Variants in ADGRE1 observed in about 807,000 individuals in gnomAD.
The protein encoded by ADGRE1 is adhesion G protein-coupled receptor E1, also known as EGF-like module receptor 1.
A neutral mutation model predicts 102.7 loss-of-function variants in ADGRE1; 82 were observed. That is an observed-to-expected ratio of 0.80 (90% CI 0.67 to 0.96). ADGRE1 has a LOEUF of 0.96. ADGRE1 is among the 40% of genes least tolerant of loss of function. The probability of loss-of-function intolerance (pLI) is 0.00; values close to 1 mark genes in which losing one functional copy is unlikely to be tolerated. For synonymous variants in ADGRE1, 398 were observed against 399.6 expected, an observed-to-expected ratio of 1.00 and a Z score of 0.05; for missense variants, 1,032 against 1,085.3, an observed-to-expected ratio of 0.95 and a Z score of 0.69.
At chr19:6,916,872 T>G (rs1350761813) in intron 12 of ADGRE1, among the ~76,000 whole-genome samples, 1 of 151,868 alleles carries the variant, frequency 6.6e-6, no homozygotes, top group East Asian at 1.9e-4. Context: ...TGGCTTATAC[T>G]GAGTTAATAT....
At chr19:6,937,190 C>T (rs1975447338) in intron 18 of ADGRE1, 53 bp from the exon 19 acceptor site, 3 of 1,562,586 alleles carry the variant, frequency 1.9e-6, no homozygotes, top group Non-Finnish European at 2.6e-6. Context: ...GTGTGGCCTG[C>T]AAGGACAATA....
In ADGRE1 at chr19:6,906,666, A is replaced by AGT. The variant is rs1889322689; in HGVS notation, c.1038+148_1038+149dup. On this transcript the variant is annotated intron_variant, in intron 9 of 20. Transcript: ENST00000312053. ...TATTTTTCTCCTCTGTAACCTGCTGAGTGTAAGCTGTGCAGAGCTCATACC... is the reference window on the plus strand; with the variant it reads ...TATTTTTCTCCTCTGTAACCTGCTGAGTGTGTAAGCTGTGCAGAGCTCATACC... The AGT allele has an allele frequency of 4.5e-6, 3 of 667,542 alleles. No individual in the cohort carries two copies. In the African/African-American group the frequency reaches 5.4e-5, roughly 12 times the overall value. 41.4% of individuals were successfully genotyped at this position (667,542 alleles called of 1,614,324 possible).
chr19:6,908,693 C>G lies in ADGRE1; in HGVS notation c.1043C>G (p.Ser348Cys). The G allele has an allele frequency of 6.3e-7, 1 of 1,583,508 alleles. No individual in the cohort carries two copies. The highest frequency in any genetic ancestry group is 8.5e-7 in the Non-Finnish European group (1 of 1,170,002). Residue 348 changes from serine (S) to cysteine (C), a missense_variant, in exon 10 of 21, where the codon TCC (serine) becomes TGC (cysteine). By Grantham distance (112) the Ser-to-Cys change is moderately radical. Coordinates refer to ENST00000312053, the MANE Select transcript of ADGRE1 (RefSeq NM_001974.5). ...EGTAVKPAYV[S>C]FCAQINNIFS... Reference sequence around the variant, plus strand: ...TTTTTTTTTTCTGGGACGCAGGTCTCCTTTTGTGCACAAATAAATAACATC... The same window carrying G: ...TTTTTTTTTTCTGGGACGCAGGTCTGCTTTTGTGCACAAATAAATAACATC...
intron 2 of ADGRE1, 81 bp downstream of exon 2, chr19:6,890,624 C>G: frequency 6.8e-7 from 1 of 1,461,916 alleles, no homozygotes. Flanking sequence ...GGAAGCTGAG[C>G]CTCATCCAGA....
rs566059404 is a variant in ADGRE1 at position 6,894,381 on chromosome 19, C to T, written c.95-2017C>T. 1.4e-4 allele frequency among the ~76,000 whole-genome samples: 22 copies of T among 152,138 alleles called. No homozygotes were observed. In the East Asian group the frequency reaches 2.9e-3, roughly 20 times the overall value. On this transcript the variant is annotated intron_variant, in intron 2 of 20. Coordinates refer to ENST00000312053, the MANE Select transcript of ADGRE1 (RefSeq NM_001974.5). ...ACTCACTGAAACAATCAAGCAGTCA[C>T]GGTTTTGATGAATTCCATAAAAGAA...
Position 6,926,387 on chromosome 19 carries a change from G to A in ADGRE1, c.2008G>A (p.Gly670Ser), listed in dbSNP as rs763654826. The change falls in exon 16 of 21, where the codon GGC (glycine) becomes AGC (serine). Residue 670 changes from glycine (G) to serine (S), a missense_variant. Transcript: ENST00000312053. ...CCAGATGGGCTGCGCCATCATCGCG[G>A]GCTTCCTGCACTACCTTTTCCTTGC... ...DNKMGCAIIA[G>S]FLHYLFLACF... is the part of the protein sequence containing the mutation. The A allele has an allele frequency of 1.2e-6, 2 of 1,614,146 alleles. No individual in the cohort carries two copies. Among genetic ancestry groups the A allele is most frequent in the South Asian group, 2.2e-5 (2 of 91,076 alleles).
intron 10 of ADGRE1, among the ~76,000 whole-genome samples, chr19:6,909,450 T>C (rs1974091087): frequency 6.6e-6 from 1 of 152,204 alleles, no homozygotes; most frequent in Admixed American, 6.5e-5. Context: ...AAGAGTGTTA[T>C]ATAAATGAAA....
intron 11 of ADGRE1, among the ~76,000 whole-genome samples, chr19:6,914,374 A>G (rs1974304214): frequency 6.6e-6 from 1 of 152,258 alleles, no homozygotes; most frequent in African/African-American, 2.4e-5. Context: ...GACCCAAAGC[A>G]TTAATGAGAT....
At chr19:6,928,530 G>C in intron 17 of ADGRE1, 1 of 404,834 alleles carries the variant, frequency 2.5e-6, no homozygotes, top group Non-Finnish European at 4.4e-6. Context: ...AGGAGGCTGA[G>C]GCAGGAGAAT....
In ADGRE1 at chr19:6,903,356, A is replaced by C. The variant is rs112845000; in HGVS notation, c.662-454A>C. 3.2e-3 allele frequency among the ~76,000 whole-genome samples: 481 copies of C among 152,316 alleles called. 1 individual carries two copies. Among genetic ancestry groups the C allele is most frequent in the Non-Finnish European group, 5.4e-3 (364 of 68,024 alleles). ...ATTTTGTCCAGTGTCTGAGTCCCTCATCTGGAGTTGAGTCCTGTTTCCTGC... is the reference window on the plus strand; with the variant it reads ...ATTTTGTCCAGTGTCTGAGTCCCTCCTCTGGAGTTGAGTCCTGTTTCCTGC... On this transcript the variant is annotated intron_variant, in intron 6 of 20. Transcript: ENST00000312053.
In ADGRE1 at chr19:6,926,348, C is replaced by G. The variant is rs757669435; in HGVS notation, c.1987-18C>G. ...CTCTGGGGTGGAGGATTCTGATGCG[C>G]ATGCTTCTCCCCTCCAGATGGGCTG... On this transcript the variant is annotated intron_variant, in intron 15 of 20. Coordinates refer to ENST00000312053, the MANE Select transcript of ADGRE1 (RefSeq NM_001974.5). The G allele has an allele frequency of 4.3e-6, 7 of 1,612,714 alleles. No individual in the cohort carries two copies. The highest frequency in any genetic ancestry group is 1.9e-4 in the Middle Eastern group (1 of 5,372).
rs1481700640 is a variant in ADGRE1, at chr19:6,897,180, C to G, written c.270C>G (p.Pro90=). ...ATGAATGTTCTCAAAGCCCCCAGCC[C>G]TGTGGTCCTAACTCATCCTGCAAAA... ...DIDECSQSPQ[P]CGPNSSCKNL... The change falls in exon 4 of 21, where the codon CCC becomes CCG. Residue 90 remains proline (P), a synonymous_variant. Transcript: ENST00000312053. 6.2e-7 allele frequency: 1 copy of G among 1,612,906 alleles called. No individual in the cohort carries two copies. The highest frequency in any genetic ancestry group is 1.3e-5 in the African/African-American group (1 of 74,532).
chr19:6,898,594 G>A, intron 5 of ADGRE1: 1 of 1,479,170 alleles, frequency 6.8e-7, no homozygotes, highest in South Asian at 1.2e-5. Flanking sequence ...AAATATCAGT[G>A]AGTCCCTCAC....
intron 8 of ADGRE1, among the ~76,000 whole-genome samples, chr19:6,905,587 G>A (rs1304937360): frequency 2.6e-5 from 4 of 151,862 alleles, no homozygotes; most frequent in East Asian, 1.9e-4. Flanking sequence ...TCGTGATCTT[G>A]TGATCCTCCC....
chr19:6,904,272 C>T, intron 8 of ADGRE1, 90 bp downstream of exon 8: 1 of 1,491,552 alleles, frequency 6.7e-7, no homozygotes, highest in Non-Finnish European at 9.1e-7. Flanking sequence ...GGATCTTCCT[C>T]TTAGTGTTGC....
intron 3 of ADGRE1, 93 bp downstream of exon 3, chr19:6,896,634 C>A: frequency 7.0e-7 from 1 of 1,423,742 alleles, no homozygotes; most frequent in Non-Finnish European, 9.5e-7. Flanking sequence ...CCCCACCCCC[C>A]ATTTTTTTTT....
In ADGRE1 at chr19:6,919,799, C is replaced by T. The variant is rs756224097; in HGVS notation, c.1620+52C>T. On this transcript the variant is annotated intron_variant, in intron 13 of 20. Coordinates refer to ENST00000312053, the MANE Select transcript of ADGRE1 (RefSeq NM_001974.5). ...TCTTGTCTACCTGTTGGGAACTCCT[C>T]GTCTCTCGATTGCCTTAACTCTCAT... 97 of 1,558,462 alleles carry T rather than the reference C, an allele frequency of 6.2e-5. 1 individual carries two copies. The South Asian group carries it at 7.1e-4, about 11-fold the overall frequency.
intron 14 of ADGRE1, 51 bp from the exon 15 acceptor site, chr19:6,924,627 G>A (rs1336201474): frequency 1.3e-6 from 2 of 1,546,554 alleles, no homozygotes; most frequent in Admixed American, 1.7e-5. Context: ...TTCCCGCCTG[G>A]GGGGATTTTG....
rs556275607 is a variant in ADGRE1 at position 6,919,326 on chromosome 19, G to C, written c.1421-222G>C. On this transcript the variant is annotated intron_variant, in intron 12 of 20. Transcript: ENST00000312053. ...ATTATAGGCGTGAGCCACCATGCCC[G>C]GCCAGAGGTTTTTTTTTTTTAATGG... Among the ~76,000 whole-genome samples the C allele has an allele frequency of 1.0e-3, 154 of 151,280 alleles. 1 individual carries two copies. Among genetic ancestry groups the C allele is most frequent in the African/African-American group, 3.4e-3 (139 of 41,256 alleles).
Sources: gnomAD v4.1 joint callset for allele counts (sites outside exome capture counted in the v4.1 genomes callset) on GRCh38, gnomAD v4.1.1 for gene constraint, MANE v1.5 for transcripts, NCBI Gene and HGNC (gene_info 2026-07-23, HGNC 2026-07-21) for gene names.